HIBCH: variants seen among roughly 807,000 people sequenced by gnomAD.
HIBCH encodes the protein 3-hydroxyisobutyryl-CoA hydrolase, mitochondrial.
In HIBCH, 50 loss-of-function variants were observed where a neutral mutation model predicts 58.2. The observed-to-expected ratio is 0.86, with a 90% CI of 0.68 to 1.09. The LOEUF (loss-of-function observed/expected upper bound fraction) is 1.09, where lower values mean the gene tolerates loss of function less well. Ranked by LOEUF, HIBCH falls within the 50% of genes least tolerant of loss-of-function variation. The probability of loss-of-function intolerance (pLI) is 0.00; values close to 1 mark genes in which losing one functional copy is unlikely to be tolerated. For missense variants in HIBCH, 450 were observed against 449.7 expected (o/e 1.00, Z -0.01); for synonymous variants, 151 against 146.9 (o/e 1.03, Z -0.20).
chr2:190,223,183 T>C (rs1022171376), intron 11 of HIBCH, among the ~76,000 whole-genome samples: 1 of 152,164 alleles, frequency 6.6e-6, no homozygotes, highest in Non-Finnish European at 1.5e-5. Context: ...GACAGGTTGA[T>C]GGGTGCAGCA....
intron 9 of HIBCH, among the ~76,000 whole-genome samples, chr2:190,248,224 G>C (rs1329480177): frequency 6.6e-6 from 1 of 152,170 alleles, no homozygotes; most frequent in Non-Finnish European, 1.5e-5. Flanking sequence ...AAATTAGGAA[G>C]CTTTGCGTCT....
intron 1 of HIBCH, among the ~76,000 whole-genome samples, chr2:190,198,763 T>C (rs1040813360): frequency 4.6e-5 from 7 of 152,124 alleles, no homozygotes; most frequent in African/African-American, 1.7e-4. Flanking sequence ...TACCTGTGCT[T>C]CTTACACTCA....
chr2:190,201,729 T>A (rs1164126056), downstream of HIBCH: 1 of 167,046 alleles, frequency 6.0e-6, no homozygotes, highest in Non-Finnish European at 1.5e-5. Context: ...GTCCCGGGAT[T>A]TGTACTGTCC....
chr2:190,225,624 A>C lies in HIBCH; in HGVS notation c.892-12549T>G, dbSNP rs1685867106. ...AACAGGCTCTGAAATTGAGGCAATAATTAATAGCCCACCAACCGAAAAAAC... is the reference window on the plus strand; with the variant it reads ...AACAGGCTCTGAAATTGAGGCAATACTTAATAGCCCACCAACCGAAAAAAC... On this transcript the variant is annotated intron_variant, in intron 11 of 13. Coordinates refer to ENST00000359678, the MANE Select transcript of HIBCH (RefSeq NM_014362.4). Among the ~76,000 whole-genome samples the C allele has an allele frequency of 3.3e-5, 5 of 152,330 alleles. 1 individual carries two copies. Among genetic ancestry groups the C allele is most frequent in the African/African-American group, 1.2e-4 (5 of 41,560 alleles).
At chr2:190,251,457 G>C (rs1686765939) in intron 8 of HIBCH, 1 of 401,306 alleles carries the variant, frequency 2.5e-6, no homozygotes, top group Admixed American at 3.0e-5. Context: ...TACATCCTAA[G>C]TCTCTTGCTG....
At chr2:190,286,398 T>C (rs1274521997) in intron 6 of HIBCH, among the ~76,000 whole-genome samples, 1 of 152,236 alleles carries the variant, frequency 6.6e-6, no homozygotes, top group Non-Finnish European at 1.5e-5. Context: ...TCCCATGTCA[T>C]GTAAAACTTT....
intron 6 of HIBCH, among the ~76,000 whole-genome samples, chr2:190,265,455 C>CTT (rs78459121): frequency 0.24 from 33,675 of 141,836 alleles, 4,315 homozygotes; most frequent in African/African-American, 0.34. Flanking sequence ...ATCTTTTGCT[C>CTT]TTTTTTTTTT....
At chr2:190,301,905 G>A (rs891364945) in intron 2 of HIBCH, among the ~76,000 whole-genome samples, 1 of 152,246 alleles carries the variant, frequency 6.6e-6, no homozygotes, top group Non-Finnish European at 1.5e-5. Flanking sequence ...GGGTGCTCAC[G>A]ACTTACCACT....
rs995639076 is a variant in HIBCH, at chr2:190,204,127, C to A, written c.*990G>T. The A allele has an allele frequency of 6.6e-6, 1 of 151,958 alleles. No homozygotes were observed. The highest frequency in any genetic ancestry group is 2.4e-5 in the African/African-American group (1 of 41,400). 9.4% of individuals were successfully genotyped at this position (151,958 alleles called of 1,614,324 possible). On this transcript the variant is annotated 3_prime_UTR_variant, in exon 14 of 14. Transcript: ENST00000359678. ...TGCCTAGAACTTTAAGGTTCTGAGT[C>A]TGGAATACCTTTTAGTTCTTTCATA... is the stretch of plus-strand genomic sequence containing the variant.
chr2:190,241,562 G>C (rs1022808824), intron 11 of HIBCH, among the ~76,000 whole-genome samples: 3 of 152,122 alleles, frequency 2.0e-5, no homozygotes, highest in Non-Finnish European at 4.4e-5. Context: ...TAGTGTTGTT[G>C]GTCTTTGTAT....
In HIBCH at chr2:190,244,981, G is replaced by A; in HGVS notation, c.810-13C>T. 1 of 1,504,430 alleles carries A rather than the reference G, an allele frequency of 6.6e-7. No homozygotes were observed. The highest frequency in any genetic ancestry group is 9.3e-7 in the Non-Finnish European group (1 of 1,080,106). The allele number at this position is 1,504,430 out of a possible 1,614,324, so 93.2% of individuals were successfully genotyped here. A position where few individuals can be genotyped will look rare whatever the true frequency, so the allele number is the denominator to read the frequency against. On this transcript the variant is annotated splice_polypyrimidine_tract_variant and intron_variant, in intron 10 of 13. Coordinates refer to ENST00000359678, the MANE Select transcript of HIBCH (RefSeq NM_014362.4). ...GGCTGAAAAACAACTATAAAAAAAGGAAATGTGATTTCACCAATGTGTAAG... is the reference window on the plus strand; with the variant it reads ...GGCTGAAAAACAACTATAAAAAAAGAAAATGTGATTTCACCAATGTGTAAG...
At chr2:190,246,845 T>C (rs576129876) in intron 9 of HIBCH, among the ~76,000 whole-genome samples, 1 of 152,276 alleles carries the variant, frequency 6.6e-6, no homozygotes, top group South Asian at 2.1e-4. Flanking sequence ...ACACGTATCT[T>C]AGCTGCAGGT....
chr2:190,191,482 T>C (rs973876092), intron 1 of HIBCH, among the ~76,000 whole-genome samples: 5 of 152,222 alleles, frequency 3.3e-5, no homozygotes, highest in African/African-American at 1.2e-4. Context: ...AATTTTCATG[T>C]ATCTAGGGTA....
intron 6 of HIBCH, among the ~76,000 whole-genome samples, chr2:190,271,264 C>T (rs1687390910): frequency 6.6e-6 from 1 of 150,480 alleles, no homozygotes; most frequent in Non-Finnish European, 1.5e-5. Flanking sequence ...AATCTATCTA[C>T]CCATTATCTC....
At chr2:190,277,976 A>ATC (rs1261498221) in intron 6 of HIBCH, among the ~76,000 whole-genome samples, 2 of 152,220 alleles carry the variant, frequency 1.3e-5, no homozygotes, top group Non-Finnish European at 2.9e-5. Context: ...CAGATTAAAA[A>ATC]TGTATATATA....
intron 1 of HIBCH, among the ~76,000 whole-genome samples, chr2:190,198,631 CAAAAAAAAAAAAAAA>C (rs35125102): frequency 9.9e-5 from 7 of 70,592 alleles, no homozygotes; most frequent in South Asian, 1.3e-3. Context: ...GACCCTGTCT[CAAAAAAAAAAAAAAA>C]AAAAAAAAAG....
chr2:190,232,444 C>T (rs184510258), intron 11 of HIBCH, among the ~76,000 whole-genome samples: 32 of 152,258 alleles, frequency 2.1e-4, no homozygotes, highest in African/African-American at 6.3e-4. Context: ...GTCCTGTGTG[C>T]CAAGTCTCTA....
rs1232515498 is a variant in HIBCH, at chr2:190,254,290, A to C, written c.518-1983T>G. 6.6e-6 allele frequency among the ~76,000 whole-genome samples: 1 copy of C among 152,132 alleles called. No homozygotes were observed. Among genetic ancestry groups the C allele is most frequent in the Non-Finnish European group, 1.5e-5 (1 of 68,014 alleles). On this transcript the variant is annotated intron_variant, in intron 7 of 13. Coordinates refer to ENST00000359678, the MANE Select transcript of HIBCH (RefSeq NM_014362.4). The surrounding 1 kb of genome is among the most constrained non-coding windows in gnomAD (Gnocchi z 5.0). Reference sequence around the variant, plus strand: ...TGGTGTCCTTATAAGAGGAGGAAGAAACACAGGGATGCATGTGAACAGAGA... The same window carrying C: ...TGGTGTCCTTATAAGAGGAGGAAGACACACAGGGATGCATGTGAACAGAGA...
At chr2:190,273,001 A>G (rs1295824614) in intron 6 of HIBCH, among the ~76,000 whole-genome samples, 2 of 152,208 alleles carry the variant, frequency 1.3e-5, no homozygotes, top group African/African-American at 4.8e-5. Context: ...ATCTTGAAAA[A>G]TCAATATAAC....
Sources: allele counts gnomAD v4.1 joint callset (sites outside exome capture counted in the v4.1 genomes callset), GRCh38; gene constraint gnomAD v4.1.1; non-coding constraint Gnocchi (gnomAD v3.1); transcripts MANE v1.5; gene names NCBI Gene and HGNC (gene_info 2026-07-23, HGNC 2026-07-21).